Variants in ABI2 observed in about 807,000 individuals in gnomAD.
ABI2 encodes the protein abl interactor 2, also known as abelson interactor 2.
ABI2 carries 25 observed loss-of-function variants against 59.2 expected under a neutral mutation model. The observed-to-expected ratio is 0.42, with a 90% CI of 0.31 to 0.59. ABI2 has a LOEUF of 0.59. Ranked by LOEUF, ABI2 falls within the 20% of genes least tolerant of loss-of-function variation. The pLI is 0.14. For synonymous variants in ABI2, 213 were observed against 235.5 expected (o/e 0.90, Z 0.87); for missense variants, 545 against 681.8 (o/e 0.80, Z 2.23).
rs2098464642 is a variant in ABI2 at position 203,429,340 on chromosome 2, T to TCGTGTA, written c.*1990_*1995dup. 6.6e-6 allele frequency: 1 copy of TCGTGTA among 152,234 alleles called. No homozygotes were observed. Among genetic ancestry groups the TCGTGTA allele is most frequent in the Non-Finnish European group, 1.5e-5 (1 of 68,040 alleles). 9.4% of individuals were successfully genotyped at this position (152,234 alleles called of 1,614,324 possible). On this transcript the variant is annotated 3_prime_UTR_variant, in exon 12 of 12. Transcript: ENST00000261018. ...ATACTTGGATAAGTTAAGCTCTTCTTCGTGTACTGGTCTATAATTAGAAAA... is the reference window on the plus strand; with the variant it reads ...ATACTTGGATAAGTTAAGCTCTTCTTCGTGTACGTGTACTGGTCTATAATTAGAAAA...
intron 5 of ABI2, among the ~76,000 whole-genome samples, chr2:203,393,455 T>G (rs970164027): frequency 6.6e-6 from 1 of 152,272 alleles, no homozygotes; most frequent in African/African-American, 2.4e-5. Flanking sequence ...CATTATAATT[T>G]AAGAGATGCT....
intron 1 of ABI2, among the ~76,000 whole-genome samples, chr2:203,344,493 G>A (rs2152563039): frequency 6.6e-6 from 1 of 151,870 alleles, no homozygotes; most frequent in East Asian, 1.9e-4. Context: ...AGCCTCCTGA[G>A]TAGCTGTGAT....
chr2:203,418,010 A>T (rs986743073), intron 11 of ABI2, among the ~76,000 whole-genome samples: 5 of 152,352 alleles, frequency 3.3e-5, no homozygotes, highest in Admixed American at 2.6e-4. Context: ...GAGACGAAAA[A>T]CACATGCTGC....
chr2:203,336,509 C>T (rs187722346), intron 1 of ABI2, among the ~76,000 whole-genome samples: 19 of 152,248 alleles, frequency 1.2e-4, no homozygotes, highest in Middle Eastern at 3.4e-3. Context: ...GGAGGCTGTA[C>T]GTGATAACAG....
intron 9 of ABI2, among the ~76,000 whole-genome samples, chr2:203,410,774 TAG>T (rs1192168461): frequency 1.3e-5 from 2 of 152,182 alleles, no homozygotes. Context: ...TGCCTACAAT[TAG>T]AGTAATAAAA....
intron 8 of ABI2, among the ~76,000 whole-genome samples, chr2:203,399,020 G>GT (rs995034992): frequency 2.2e-4 from 33 of 152,000 alleles, no homozygotes; most frequent in African/African-American, 4.8e-4. Flanking sequence ...TACATACAGG[G>GT]TTTTTTTTGT....
chr2:203,373,641 A>T (rs939787164), intron 2 of ABI2, among the ~76,000 whole-genome samples: 3 of 152,242 alleles, frequency 2.0e-5, no homozygotes, highest in African/African-American at 7.2e-5. Flanking sequence ...AAGCAAGGTC[A>T]AAAGGCAACA....
At chr2:203,345,041 G>A (rs924805666) in intron 1 of ABI2, among the ~76,000 whole-genome samples, 3 of 152,158 alleles carry the variant, frequency 2.0e-5, no homozygotes, top group Non-Finnish European at 1.5e-5. Context: ...GCCGGAGCCC[G>A]CAGTGGCAAC....
chr2:203,420,911 G>A (rs971706618), intron 11 of ABI2, among the ~76,000 whole-genome samples: 2 of 149,814 alleles, frequency 1.3e-5, no homozygotes, highest in African/African-American at 4.9e-5. Context: ...GGAATCACGT[G>A]AGTGAGAGGG....
chr2:203,394,590 C>T (rs2096898434), intron 5 of ABI2, 110 bp from the exon 6 acceptor site: 2 of 1,106,014 alleles, frequency 1.8e-6, no homozygotes. Flanking sequence ...TATGTTAAAA[C>T]ACATTTCCTA....
chr2:203,346,296 T>C (rs985033984), intron 1 of ABI2, among the ~76,000 whole-genome samples: 2 of 152,218 alleles, frequency 1.3e-5, no homozygotes, highest in Non-Finnish European at 2.9e-5. Flanking sequence ...ACTTTGGTAT[T>C]TGGTATCTTT....
chr2:203,415,419 G>A (rs989644119), intron 10 of ABI2, among the ~76,000 whole-genome samples: 7 of 151,820 alleles, frequency 4.6e-5, no homozygotes, highest in African/African-American at 1.7e-4. Flanking sequence ...AGATCTAGAC[G>A]ATCCTGGCTA....
chr2:203,328,401 A>C lies in ABI2; in HGVS notation c.-114A>C, dbSNP rs1192343989. 3 of 825,096 alleles carry C rather than the reference A, an allele frequency of 3.6e-6. No homozygotes were observed. The highest frequency in any genetic ancestry group is 1.6e-5 in the South Asian group (1 of 63,828). The allele number at this position is 825,096 out of a possible 1,614,324, so 51.1% of individuals were successfully genotyped here. On this transcript the variant is annotated 5_prime_UTR_variant, in exon 1 of 12. Transcript: ENST00000261018. The stretch of plus-strand genomic sequence containing the variant: ...CTGGGGCTGTTTCTCGCTCCTTCCG[A>C]GTTACCGCCGCCGTCGCCGCCGCTC...
intron 4 of ABI2, chr2:203,386,537 A>C: frequency 1.4e-6 from 1 of 729,850 alleles, no homozygotes; most frequent in South Asian, 6.2e-5. Context: ...ATTATTAGGG[A>C]AGTTTCATAG....
intron 10 of ABI2, 26 bp from the exon 11 acceptor site, chr2:203,416,882 T>C (rs1164037716): frequency 1.9e-6 from 3 of 1,590,122 alleles, no homozygotes; most frequent in Non-Finnish European, 2.6e-6. Flanking sequence ...ACATATAGTT[T>C]TGTTGTCAGC....
rs1328383578 is a variant in ABI2, at chr2:203,429,401, A to G, written c.*2049A>G. The stretch of plus-strand genomic sequence containing the variant: ...ATTAGATGTTCCCATTATTTATTTA[A>G]ACAGCTTTTTGCTGAGAAAGCTTAG... On this transcript the variant is annotated 3_prime_UTR_variant, in exon 12 of 12. Coordinates refer to ENST00000261018, the MANE Select transcript of ABI2 (RefSeq NM_001375670.1). 6.6e-6 allele frequency: 1 copy of G among 152,262 alleles called. No individual in the cohort carries two copies. Among genetic ancestry groups the G allele is most frequent in the Non-Finnish European group, 1.5e-5 (1 of 68,052 alleles). The allele number at this position is 152,262 out of a possible 1,614,324, so 9.4% of individuals were successfully genotyped here.
chr2:203,359,319 T>C (rs927963735), intron 1 of ABI2, among the ~76,000 whole-genome samples: 9 of 152,222 alleles, frequency 5.9e-5, no homozygotes, highest in African/African-American at 1.9e-4. Flanking sequence ...CCCAAGTTGA[T>C]AGAATTTTCA....
intron 1 of ABI2, among the ~76,000 whole-genome samples, chr2:203,355,516 A>C (rs1471861710): frequency 6.6e-6 from 1 of 151,410 alleles, no homozygotes; most frequent in Non-Finnish European, 1.5e-5. Flanking sequence ...TGTCTCAACA[A>C]AAGAAAACAA....
intron 11 of ABI2, among the ~76,000 whole-genome samples, chr2:203,423,667 C>T (rs1391715014): frequency 2.0e-5 from 3 of 152,184 alleles, no homozygotes; most frequent in South Asian, 2.1e-4. Context: ...GTGATCTGCC[C>T]ACCTTGGCCT....
Sources: gnomAD v4.1 joint callset for allele counts (sites outside exome capture counted in the v4.1 genomes callset) on GRCh38, gnomAD v4.1.1 for gene constraint, MANE v1.5 for transcripts, NCBI Gene and HGNC (gene_info 2026-07-23, HGNC 2026-07-21) for gene names.